SPATA13: variants seen among roughly 807,000 people sequenced by gnomAD.
SPATA13 encodes the protein spermatogenesis associated 13.
A neutral mutation model predicts 104.0 loss-of-function variants in SPATA13; 50 were observed. That is an observed-to-expected ratio of 0.48 (90% CI 0.38 to 0.61). The LOEUF (loss-of-function observed/expected upper bound fraction) is 0.61. SPATA13 is among the 20% of genes least tolerant of loss of function. The pLI is 0.00. For synonymous variants in SPATA13, 606 were observed against 667.5 expected (o/e 0.91, Z 1.42); for missense variants, 1,524 against 1,690.6 (o/e 0.90, Z 1.73).
rs913866916 is a variant in SPATA13 at position 24,129,744 on chromosome 13, A to G, written c.-111-93075A>G. Reference sequence around the variant, plus strand: ...TGGACACATAGTTATTATTCAGGACATAAGACAAACTTTTGCCTGGCATCA... The same window carrying G: ...TGGACACATAGTTATTATTCAGGACGTAAGACAAACTTTTGCCTGGCATCA... On this transcript the variant is annotated intron_variant, in intron 3 of 14. Coordinates refer to the SPATA13 transcript ENST00000424834. Among the ~76,000 whole-genome samples, 11 of 152,376 alleles carry G rather than the reference A, an allele frequency of 7.2e-5. 2 individuals are homozygous for G. The East Asian group carries it at 2.1e-3, about 29-fold the overall frequency.
At chr13:24,020,482 C>T (rs1430962348) in intron 3 of SPATA13, among the ~76,000 whole-genome samples, 1 of 152,110 alleles carries the variant, frequency 6.6e-6, no homozygotes, top group Non-Finnish European at 1.5e-5. Context: ...ATTCTTGGCC[C>T]ACAAACCCAG....
intron 3 of SPATA13, among the ~76,000 whole-genome samples, chr13:24,059,954 C>A (rs1249840354): frequency 6.6e-6 from 1 of 152,150 alleles, no homozygotes; most frequent in African/African-American, 2.4e-5. Context: ...CAGCTTTTGT[C>A]TTTTCAGTAT....
chr13:24,240,251 C>A (rs146372033), intron 2 of SPATA13, among the ~76,000 whole-genome samples: 1,533 of 150,936 alleles, frequency 0.01, 17 homozygotes, highest in South Asian at 0.023. Flanking sequence ...AGAGTGAGAA[C>A]CTGTCTTTAA....
intron 3 of SPATA13, among the ~76,000 whole-genome samples, chr13:24,027,060 T>C (rs989659882): frequency 5.9e-5 from 9 of 151,980 alleles, no homozygotes; most frequent in African/African-American, 2.2e-4. Flanking sequence ...AAGTTGATTA[T>C]AGTATAGTTC....
chr13:24,048,144 A>G (rs535075810), intron 3 of SPATA13, among the ~76,000 whole-genome samples: 1 of 152,302 alleles, frequency 6.6e-6, no homozygotes, highest in South Asian at 2.1e-4. Context: ...AAATACCCTC[A>G]ACACACCCCA....
chr13:24,260,466 T>G (rs1030231036), intron 4 of SPATA13, among the ~76,000 whole-genome samples: 3 of 152,040 alleles, frequency 2.0e-5, no homozygotes, highest in African/African-American at 7.3e-5. Context: ...TCACCGGGAG[T>G]CAAGAGCATG....
At chr13:24,099,887 G>A (rs1436536579) in intron 3 of SPATA13, among the ~76,000 whole-genome samples, 1 of 152,190 alleles carries the variant, frequency 6.6e-6, no homozygotes, top group East Asian at 1.9e-4. Flanking sequence ...GTCTGTGAAT[G>A]AACACTTGGA....
At position 24,290,699 on chromosome 13, in the gene SPATA13, C is replaced by T. The variant is rs1284714654; in HGVS notation, c.2895C>T (p.Gly965=). Residue 965 remains glycine, a synonymous_variant, in exon 9 of 13, where the codon GGC becomes GGT. Coordinates refer to ENST00000382108, the MANE Select transcript of SPATA13 (RefSeq NM_001166271.3). ...IYSEYCNNHP[G]ACLELANLMK... ...CCGAGTACTGCAACAACCACCCGGG[C>T]GCCTGCCTGGAGCTCGCCAACCTCA... 8.7e-6 allele frequency: 14 copies of T among 1,614,058 alleles called. No individual in the cohort carries two copies. Among genetic ancestry groups the T allele is most frequent in the East Asian group, 2.2e-5 (1 of 44,902 alleles).
chr13:24,210,991 C>A (rs967221075), intron 1 of SPATA13, among the ~76,000 whole-genome samples: 1 of 151,932 alleles, frequency 6.6e-6, no homozygotes, highest in African/African-American at 2.4e-5. Context: ...GTATTTTATT[C>A]TTTTCGATGC....
intron 11 of SPATA13, 127 bp downstream of exon 11, chr13:24,297,862 C>A: frequency 8.5e-7 from 1 of 1,180,744 alleles, no homozygotes; most frequent in Non-Finnish European, 1.2e-6. Context: ...GGGGAAAGGA[C>A]AAGGGATCTG....
chr13:24,229,506 A>G (rs1240359840), intron 2 of SPATA13, among the ~76,000 whole-genome samples: 1 of 152,218 alleles, frequency 6.6e-6, no homozygotes, highest in Non-Finnish European at 1.5e-5. Flanking sequence ...TCAAACACTT[A>G]GCCCGCCCTT....
At chr13:24,056,098 T>C (rs1878532325) in intron 3 of SPATA13, among the ~76,000 whole-genome samples, 1 of 152,190 alleles carries the variant, frequency 6.6e-6, no homozygotes, top group African/African-American at 2.4e-5. Flanking sequence ...GAGCTCATGG[T>C]TATGATAGAA....
intron 2 of SPATA13, among the ~76,000 whole-genome samples, chr13:24,228,339 TCTC>T (rs1872071773): frequency 6.6e-6 from 1 of 152,026 alleles, no homozygotes; most frequent in African/African-American, 2.4e-5. Context: ...ATGGTGTCGA[TCTC>T]CTGACCTCGT....
chr13:24,023,483 G>A (rs1877076107), intron 3 of SPATA13, among the ~76,000 whole-genome samples: 1 of 152,168 alleles, frequency 6.6e-6, no homozygotes. Flanking sequence ...ATAGTCCCTG[G>A]AAGATGTCCA....
At chr13:23,998,178 C>G (rs1875781677) in intron 2 of SPATA13, among the ~76,000 whole-genome samples, 1 of 152,240 alleles carries the variant, frequency 6.6e-6, no homozygotes, top group African/African-American at 2.4e-5. Flanking sequence ...TTCACTTTCT[C>G]AACAGCAGTG....
rs77341506 is a variant in SPATA13 at position 24,121,035 on chromosome 13, G to A, written c.-111-101784G>A. Among the ~76,000 whole-genome samples, 517 of 151,780 alleles carry A rather than the reference G, an allele frequency of 3.4e-3. 1 individual carries two copies. The highest frequency in any genetic ancestry group is 5.6e-3 in the Non-Finnish European group (378 of 67,918). ...TTGCTTTTCTTTTCTTTTTTTTTCTGAATTAAGTTCTTTTAATAGATTGCA... is the reference window on the plus strand; with the variant it reads ...TTGCTTTTCTTTTCTTTTTTTTTCTAAATTAAGTTCTTTTAATAGATTGCA... On this transcript the variant is annotated intron_variant, in intron 3 of 14. Transcript: ENST00000424834.
Position 24,305,334 on chromosome 13 carries a change from T to G in SPATA13, c.*2561T>G, listed in dbSNP as rs1877510945. On this transcript the variant is annotated 3_prime_UTR_variant, in exon 13 of 13. Coordinates refer to ENST00000382108, the MANE Select transcript of SPATA13 (RefSeq NM_001166271.3). ...CAATTCGTTGCCCCTGTCAGTTTTA[T>G]AGAGTGTGAGGGTCACTCCATTAAA... 6.6e-6 allele frequency: 1 copy of G among 152,264 alleles called. No homozygotes were observed. The allele number at this position is 152,264 out of a possible 1,614,324, so 9.4% of individuals were successfully genotyped here. A position where few individuals can be genotyped will look rare whatever the true frequency, so the allele number is the denominator to read the frequency against.
At chr13:24,250,798 G>A (rs2793490) in intron 3 of SPATA13, among the ~76,000 whole-genome samples, 132,643 of 152,262 alleles carry the variant, frequency 0.87, 58,055 homozygotes, top group East Asian at 0.94. Flanking sequence ...AAGGTGCTCC[G>A]CTGTTGGGAA....
At chr13:24,225,630 G>A (rs1204087102) in intron 2 of SPATA13, among the ~76,000 whole-genome samples, 1 of 152,230 alleles carries the variant, frequency 6.6e-6, no homozygotes, top group Non-Finnish European at 1.5e-5. Context: ...CTCTTGGGCT[G>A]GTCTAGCCCC....
Sources: gnomAD v4.1 joint callset for allele counts (sites outside exome capture counted in the v4.1 genomes callset) on GRCh38, gnomAD v4.1.1 for gene constraint, MANE v1.5 for transcripts, NCBI Gene and HGNC (gene_info 2026-07-23, HGNC 2026-07-21) for gene names.